Variants in PLEKHM3 observed in about 807,000 individuals in gnomAD.
The protein encoded by PLEKHM3 is pleckstrin homology domain-containing family M member 3.
PLEKHM3 carries 45 observed loss-of-function variants against 81.8 expected under a neutral mutation model. That is an observed-to-expected ratio of 0.55 (90% confidence interval 0.43 to 0.71). The LOEUF (loss-of-function observed/expected upper bound fraction) is 0.71, where lower values mean the gene tolerates loss of function less well. Ranked by LOEUF, PLEKHM3 falls within the 30% of genes least tolerant of loss-of-function variation. PLEKHM3 has a pLI of 0.00. For missense variants in PLEKHM3, 788 were observed against 924.3 expected, an observed-to-expected ratio of 0.85 and a Z score of 1.91; for synonymous variants, 352 against 356.4, an observed-to-expected ratio of 0.99 and a Z score of 0.14.
intron 1 of PLEKHM3, among the ~76,000 whole-genome samples, chr2:208,013,632 T>C (rs4428002): frequency 0.96 from 145,789 of 152,292 alleles, 69,892 homozygotes; most frequent in East Asian, 1. Flanking sequence ...CAACCACACA[T>C]GGAAGGCAAG....
chr2:207,868,504 TGTG>T (rs1385410115), intron 6 of PLEKHM3: 1 of 152,228 alleles, frequency 6.6e-6, no homozygotes, highest in African/African-American at 2.4e-5. Flanking sequence ...ACTTTCCAGC[TGTG>T]AGACTTTGGC....
intron 6 of PLEKHM3, among the ~76,000 whole-genome samples, chr2:207,872,560 G>A (rs1034966303): frequency 2.6e-5 from 4 of 152,164 alleles, no homozygotes; most frequent in Non-Finnish European, 5.9e-5. Flanking sequence ...CGAGGCGGCC[G>A]GGCGCAGTGG....
chr2:207,900,292 T>C (rs1228247488), intron 6 of PLEKHM3: 1 of 152,244 alleles, frequency 6.6e-6, no homozygotes, highest in East Asian at 1.9e-4. Flanking sequence ...GGTTGTTCTA[T>C]GAGGGCTAAT....
chr2:207,902,013 C>T (rs962013942), intron 6 of PLEKHM3, among the ~76,000 whole-genome samples: 1 of 152,200 alleles, frequency 6.6e-6, no homozygotes, highest in African/African-American at 2.4e-5. Context: ...GTTATCCTCA[C>T]CACTAATGCC....
At chr2:208,003,352 C>T (rs1192425335) in intron 1 of PLEKHM3, among the ~76,000 whole-genome samples, 1 of 152,168 alleles carries the variant, frequency 6.6e-6, no homozygotes, top group Non-Finnish European at 1.5e-5. Flanking sequence ...TATGTTATCG[C>T]AAAGGTAGAT....
intron 7 of PLEKHM3, among the ~76,000 whole-genome samples, chr2:207,860,462 A>T (rs143939959): frequency 4.6e-5 from 7 of 152,262 alleles, no homozygotes; most frequent in Middle Eastern, 6.8e-3. Flanking sequence ...GCCAGTGCAC[A>T]CACATACCGT....
intron 3 of PLEKHM3, among the ~76,000 whole-genome samples, chr2:207,948,126 G>T (rs1331349635): frequency 2.0e-5 from 3 of 152,114 alleles, no homozygotes; most frequent in Non-Finnish European, 2.9e-5. Context: ...ACTGGCTAAG[G>T]AATGAGAAAT....
chr2:207,988,894 C>T (rs374102971), intron 2 of PLEKHM3, among the ~76,000 whole-genome samples: 8 of 152,160 alleles, frequency 5.3e-5, no homozygotes, highest in Non-Finnish European at 7.4e-5. Flanking sequence ...ATTCTAGCTC[C>T]GAGGCCTCTG....
At chr2:207,872,561 G>A (rs2092540079) in intron 6 of PLEKHM3, among the ~76,000 whole-genome samples, 1 of 152,176 alleles carries the variant, frequency 6.6e-6, no homozygotes, top group Admixed American at 6.5e-5. Context: ...GAGGCGGCCG[G>A]GCGCAGTGGC....
chr2:207,893,916 G>A (rs1360530774), intron 6 of PLEKHM3, among the ~76,000 whole-genome samples: 1 of 152,126 alleles, frequency 6.6e-6, no homozygotes, highest in East Asian at 1.9e-4. Flanking sequence ...AGGAGTTCGA[G>A]ACCAGCCTGC....
intron 6 of PLEKHM3, among the ~76,000 whole-genome samples, chr2:207,878,523 G>A (rs1282985396): frequency 1.3e-5 from 2 of 152,194 alleles, no homozygotes; most frequent in African/African-American, 2.4e-5. Context: ...CAGCAGAATC[G>A]CTTGAACCCA....
At chr2:207,878,798 T>A (rs1223863478) in intron 6 of PLEKHM3, among the ~76,000 whole-genome samples, 2 of 152,198 alleles carry the variant, frequency 1.3e-5, no homozygotes, top group Non-Finnish European at 2.9e-5. Context: ...AGCACTAAGC[T>A]TTAGTGTCTT....
chr2:207,930,144 T>C (rs1175960508), intron 5 of PLEKHM3, among the ~76,000 whole-genome samples: 2 of 152,222 alleles, frequency 1.3e-5, no homozygotes, highest in Non-Finnish European at 2.9e-5. Context: ...CTTGGTGTTC[T>C]ATGAACTATG....
At chr2:207,874,122 T>C (rs2092548779) in intron 6 of PLEKHM3, among the ~76,000 whole-genome samples, 1 of 152,232 alleles carries the variant, frequency 6.6e-6, no homozygotes, top group Admixed American at 6.5e-5. Context: ...AGTGTCTGTA[T>C]GCCTGGGCAC....
chr2:207,977,038 C>G lies in PLEKHM3; in HGVS notation c.1159G>C (p.Ala387Pro). The change falls in exon 3 of 8, where the codon GCT becomes CCT. Residue 387 changes from alanine (A) to proline (P), a missense_variant. Ala to Pro is a conservative substitution (Grantham distance 27). Transcript: ENST00000427836. The part of the protein sequence containing the change: ...WKAFTFVLSR[A>P]YLMAFQPGKL... The stretch of plus-strand genomic sequence containing the variant: ...CCAGGCTGAAAAGCCATAAGGTAAG[C>G]CCTGCTCAGCACAAATGTAAATGCC... 6 of 1,614,218 alleles carry G rather than the reference C, an allele frequency of 3.7e-6. No homozygotes were observed. The highest frequency in any genetic ancestry group is 5.1e-6 in the Non-Finnish European group (6 of 1,180,048).
At chr2:207,831,524 G>T (rs1234249241) in intron 7 of PLEKHM3, among the ~76,000 whole-genome samples, 2 of 152,198 alleles carry the variant, frequency 1.3e-5, no homozygotes, top group African/African-American at 4.8e-5. Flanking sequence ...TGGTGCTTTG[G>T]TTTTCTCATT....
chr2:207,871,873 T>C (rs1047513597), intron 6 of PLEKHM3, among the ~76,000 whole-genome samples: 4 of 152,210 alleles, frequency 2.6e-5, no homozygotes, highest in Non-Finnish European at 5.9e-5. Flanking sequence ...TCATAGATGG[T>C]CAGCAGAATT....
intron 5 of PLEKHM3, among the ~76,000 whole-genome samples, chr2:207,921,679 A>T (rs1689187711): frequency 6.6e-6 from 1 of 151,740 alleles, no homozygotes; most frequent in South Asian, 2.1e-4. Context: ...ACCCTTCCCC[A>T]CCTCTAGTGA....
At chr2:207,930,839 G>A (rs1689567195) in intron 5 of PLEKHM3, 87 bp downstream of exon 5, 2 of 1,468,584 alleles carry the variant, frequency 1.4e-6, no homozygotes, top group Admixed American at 3.8e-5. Context: ...GGTCCGTGCT[G>A]GAAAGGCCCT....
Sources: gnomAD v4.1 joint callset for allele counts (sites outside exome capture counted in the v4.1 genomes callset) on GRCh38, gnomAD v4.1.1 for gene constraint, MANE v1.5 for transcripts, NCBI Gene and HGNC (gene_info 2026-07-23, HGNC 2026-07-21) for gene names.